The following MORC1 variants were observed in gnomAD, a reference collection of about 807,000 sequenced individuals.
The protein encoded by MORC1 is MORC family CW-type zinc finger protein 1.
MORC1 carries 59 observed loss-of-function variants against 134.9 expected under a neutral mutation model. The observed-to-expected ratio is 0.44, with a 90% confidence interval of 0.35 to 0.54. The LOEUF is 0.54. Ranked by LOEUF, MORC1 falls within the 20% of genes least tolerant of loss-of-function variation. The pLI, the probability that MORC1 is intolerant of heterozygous loss-of-function variation, is 0.00. For synonymous variants in MORC1, 395 were observed against 391.7 expected (o/e 1.01, Z -0.10); for missense variants, 947 against 1,134.5 (o/e 0.83, Z 2.37).
At chr3:109,039,780 T>C (rs1165409383) in intron 14 of MORC1, among the ~76,000 whole-genome samples, 1 of 152,102 alleles carries the variant, frequency 6.6e-6, no homozygotes, top group Non-Finnish European at 1.5e-5. Context: ...ATCACAGAAG[T>C]ATAGATGAAG....
At chr3:109,068,207 T>C (rs1950241970) in intron 9 of MORC1, among the ~76,000 whole-genome samples, 1 of 152,232 alleles carries the variant, frequency 6.6e-6, no homozygotes, top group African/African-American at 2.4e-5. Flanking sequence ...ATTAATCTTA[T>C]CTTTTTTCTA....
At chr3:109,003,857 T>C (rs1044503455) in intron 20 of MORC1, among the ~76,000 whole-genome samples, 2 of 152,038 alleles carry the variant, frequency 1.3e-5, no homozygotes, top group Admixed American at 1.3e-4. Context: ...AGCCCAAAAA[T>C]GGTATTAAGG....
chr3:109,021,429 G>C (rs915741808), intron 17 of MORC1, among the ~76,000 whole-genome samples: 15 of 152,168 alleles, frequency 9.9e-5, no homozygotes, highest in African/African-American at 3.1e-4. Context: ...CAAACAGAGG[G>C]ATGTAATGTG....
chr3:109,073,836 G>A (rs944801581), intron 8 of MORC1, among the ~76,000 whole-genome samples: 3 of 152,112 alleles, frequency 2.0e-5, no homozygotes, highest in African/African-American at 7.2e-5. Flanking sequence ...TTTAAATTCT[G>A]AACTTTGAAG....
chr3:109,049,172 G>C (rs1343801936), intron 14 of MORC1: 1 of 984,466 alleles, frequency 1.0e-6, no homozygotes, highest in Non-Finnish European at 1.2e-6. Context: ...TTTCCTGGTA[G>C]TCCCTTTCTG....
At chr3:109,001,802 C>A (rs142237422) in intron 20 of MORC1, among the ~76,000 whole-genome samples, 1 of 152,142 alleles carries the variant, frequency 6.6e-6, no homozygotes, top group African/African-American at 2.4e-5. Context: ...CCTATTTAAA[C>A]CTCACCTCTG....
Position 109,060,902 on chromosome 3 carries a change from T to G in MORC1, c.967-1032A>C, listed in dbSNP as rs80283652. ...CTCAAACATACAAAGCAAAGGGAAA[T>G]GATTTCTTAAAAACAAAATTTTAAA... On this transcript the variant is annotated intron_variant, in intron 11 of 27. Coordinates refer to ENST00000232603, the MANE Select transcript of MORC1 (RefSeq NM_014429.4). Among the ~76,000 whole-genome samples the G allele has an allele frequency of 5.1e-3, 776 of 151,862 alleles. 18 individuals are homozygous for G. The highest frequency in any genetic ancestry group is 0.018 in the African/African-American group (746 of 41,388).
intron 20 of MORC1, among the ~76,000 whole-genome samples, chr3:109,002,827 T>C (rs1386093592): frequency 6.6e-6 from 1 of 152,218 alleles, no homozygotes; most frequent in African/African-American, 2.4e-5. Flanking sequence ...AAACCCCTTA[T>C]GACTGGCCTA....
intron 26 of MORC1, among the ~76,000 whole-genome samples, chr3:108,964,017 C>T (rs1467803384): frequency 6.6e-6 from 1 of 152,164 alleles, no homozygotes; most frequent in Non-Finnish European, 1.5e-5. Context: ...CAGAATGGCC[C>T]ACCACTTGGG....
intron 14 of MORC1, chr3:109,049,155 T>G: frequency 1.0e-6 from 1 of 985,178 alleles, no homozygotes; most frequent in Non-Finnish European, 1.2e-6. Context: ...AAAGCTGTTA[T>G]ATTCATTTTC....
At chr3:109,076,768 G>T (rs1003652806) in intron 8 of MORC1, among the ~76,000 whole-genome samples, 1 of 152,070 alleles carries the variant, frequency 6.6e-6, no homozygotes, top group Non-Finnish European at 1.5e-5. Context: ...ATAAGTGGGA[G>T]CTGGACAATG....
chr3:109,028,612 C>CA (rs920184531), intron 16 of MORC1, among the ~76,000 whole-genome samples: 6 of 152,042 alleles, frequency 3.9e-5, no homozygotes, highest in Non-Finnish European at 5.9e-5. Context: ...GTTAAAATTA[C>CA]AAAAAAATAC....
intron 14 of MORC1, among the ~76,000 whole-genome samples, chr3:109,039,706 G>C (rs1949465589): frequency 1.3e-5 from 2 of 152,042 alleles, no homozygotes; most frequent in South Asian, 4.1e-4. Context: ...AGGGTGGGGA[G>C]AAAAAAAGAC....
intron 6 of MORC1, 106 bp downstream of exon 6, chr3:109,099,252 T>A (rs1305219506): frequency 5.3e-6 from 4 of 756,850 alleles, no homozygotes; most frequent in Non-Finnish European, 8.3e-6. Flanking sequence ...ATTCCTAAGT[T>A]TCTAAATAAT....
rs117841776 is a variant in MORC1, at chr3:109,030,913, A to T, written c.1565+1807T>A. Reference sequence around the variant, plus strand: ...CTCTATTTACCCCGATGTGATTATTACATACTATATGCCTTATCAAAGTAT... The same window carrying T: ...CTCTATTTACCCCGATGTGATTATTTCATACTATATGCCTTATCAAAGTAT... On this transcript the variant is annotated intron_variant, in intron 16 of 27. Transcript: ENST00000232603. Among the ~76,000 whole-genome samples the T allele has an allele frequency of 1.6e-4, 25 of 152,358 alleles. No homozygotes were observed. In the East Asian group the frequency reaches 4.8e-3, roughly 29 times the overall value.
At chr3:109,092,241 G>GA (rs71129021) in intron 8 of MORC1, among the ~76,000 whole-genome samples, 3,526 of 151,700 alleles carry the variant, frequency 0.023, 69 homozygotes, top group Middle Eastern at 0.11. Flanking sequence ...TTTTCCAAAA[G>GA]AAAAAAAATC....
chr3:108,975,511 ACATTT>A (rs1356650437), intron 24 of MORC1, among the ~76,000 whole-genome samples: 3 of 152,216 alleles, frequency 2.0e-5, no homozygotes, highest in African/African-American at 7.2e-5. Context: ...ACAAGGCATT[ACATTT>A]CAACAGTTAA....
At chr3:109,117,394 A>G (rs1011047330) in intron 1 of MORC1, among the ~76,000 whole-genome samples, 9 of 152,050 alleles carry the variant, frequency 5.9e-5, no homozygotes, top group African/African-American at 2.2e-4. Context: ...TGTGAATTAA[A>G]TAGCACTAAC....
intron 21 of MORC1, among the ~76,000 whole-genome samples, chr3:108,988,808 T>G (rs1156094): frequency 0.42 from 63,921 of 151,958 alleles, 14,124 homozygotes; most frequent in Middle Eastern, 0.55. Context: ...TGTTGTTGGT[T>G]TTATTAATAC....
Sources: gnomAD v4.1 joint callset for allele counts (sites outside exome capture counted in the v4.1 genomes callset) on GRCh38, gnomAD v4.1.1 for gene constraint, MANE v1.5 for transcripts, NCBI Gene and HGNC (gene_info 2026-07-23, HGNC 2026-07-21) for gene names.